TGM7: variants seen among roughly 807,000 people sequenced by gnomAD.
TGM7 encodes the protein transglutaminase 7, also known as protein-glutamine gamma-glutamyltransferase Z.
In TGM7, 74 loss-of-function variants were observed where a neutral mutation model predicts 79.5. That is an observed-to-expected ratio of 0.93 (90% CI 0.77 to 1.13). The LOEUF (loss-of-function observed/expected upper bound fraction) is 1.13. TGM7 is among the 50% of genes most tolerant of loss of function. The pLI is 0.00. For synonymous variants in TGM7, 354 were observed against 362.5 expected (o/e 0.98, Z 0.27); for missense variants, 912 against 905.9 (o/e 1.01, Z -0.09).
chr15:43,287,805 C>G, intron 4 of TGM7, 136 bp from the exon 5 acceptor site: 1 of 975,350 alleles, frequency 1.0e-6, no homozygotes, highest in Non-Finnish European at 1.5e-6. Flanking sequence ...AAATATAAGA[C>G]AAGTTCCTGC....
intron 1 of TGM7, among the ~76,000 whole-genome samples, chr15:43,296,658 T>C (rs923285059): frequency 6.6e-6 from 1 of 152,048 alleles, no homozygotes; most frequent in African/African-American, 2.4e-5. Flanking sequence ...TGGCTGCTGT[T>C]TGTAGCTCAA....
intron 11 of TGM7, 128 bp from the exon 12 acceptor site, chr15:43,277,123 G>A (rs1420599195): frequency 8.3e-7 from 1 of 1,205,294 alleles, no homozygotes; most frequent in Non-Finnish European, 1.2e-6. Flanking sequence ...GTGCCACAGT[G>A]GCGAGGGAGG....
Position 43,287,449 on chromosome 15 carries a change from G to T in TGM7, c.696C>A (p.Ser232Arg). ...CCTGCAGCACGCCATTGTCATCGTT[G>T]CTGTTGATCTGCAGAGGACAGACAG... is the stretch of plus-strand genomic sequence containing the variant. ...VCRVVSAMINSNDDNGVLQGN... is the reference protein window; with the variant it reads ...VCRVVSAMINRNDDNGVLQGN... The change falls in exon 6 of 13, where the codon AGC becomes AGA. Residue 232 changes from serine to arginine, a missense_variant. Coordinates refer to ENST00000452443, the MANE Select transcript of TGM7 (RefSeq NM_052955.3). 6.2e-7 allele frequency: 1 copy of T among 1,614,072 alleles called. No homozygotes were observed. Among genetic ancestry groups the T allele is most frequent in the Non-Finnish European group, 8.5e-7 (1 of 1,180,034 alleles).
chr15:43,298,279 C>T (rs115098529), intron 1 of TGM7, among the ~76,000 whole-genome samples: 4,517 of 152,150 alleles, frequency 0.03, 203 homozygotes, highest in East Asian at 0.12. Context: ...TGCAGAAGAG[C>T]ACTGGGGATG....
At chr15:43,293,196 T>C (rs2042972596) in intron 2 of TGM7, among the ~76,000 whole-genome samples, 1 of 152,212 alleles carries the variant, frequency 6.6e-6, no homozygotes, top group Non-Finnish European at 1.5e-5. Context: ...TGAGCTAATG[T>C]GTGTAAAGTT....
rs548654418 is a variant in TGM7 at position 43,276,464 on chromosome 15, C to T, written c.2124G>A (p.Gly708=). 46 of 1,612,690 alleles carry T rather than the reference C, an allele frequency of 2.9e-5. 1 individual carries two copies. Among genetic ancestry groups the T allele is most frequent in the Admixed American group, 1.0e-4 (6 of 59,872 alleles). The change falls in exon 13 of 13, where the codon GGG becomes GGA. Residue 708 remains glycine, a synonymous_variant. Coordinates refer to ENST00000452443, the MANE Select transcript of TGM7 (RefSeq NM_052955.3). ...GYKDIFVTVA[G]AP is the part of the protein sequence containing the mutation. ...AGCTGGAGGGCGGGTCTCAGGGAGC[C>T]CCAGCCACAGTGACGAAGATGTCCT...
chr15:43,289,759 A>G (rs979703844), intron 4 of TGM7, among the ~76,000 whole-genome samples: 3 of 152,146 alleles, frequency 2.0e-5, no homozygotes, highest in African/African-American at 7.2e-5. Context: ...CGCCATTCTA[A>G]CTGGTGTGAG....
intron 11 of TGM7, 88 bp from the exon 12 acceptor site, chr15:43,277,083 G>A (rs535384261): frequency 5.9e-5 from 91 of 1,535,064 alleles, no homozygotes; most frequent in Admixed American, 7.8e-5. Context: ...GGTCCCTGGC[G>A]ACCACCAGGA....
intron 4 of TGM7, among the ~76,000 whole-genome samples, chr15:43,290,705 T>C (rs1346402047): frequency 6.6e-6 from 1 of 152,208 alleles, no homozygotes; most frequent in East Asian, 1.9e-4. Context: ...GAGCATGGAA[T>C]GTTCTTCCAT....
rs550814720 is a variant in TGM7, at chr15:43,287,582, G to T, written c.646C>A (p.Arg216=). 2 of 1,614,142 alleles carry T rather than the reference G, an allele frequency of 1.2e-6. No individual in the cohort carries two copies. The stretch of plus-strand genomic sequence containing the variant: ...CTGCACACATACACCACGTCGTTCC[G>T]CTGGGAACAGTCTTTGGCCGGGTTC... ...LKNPAKDCSQ[R]NDVVYVCRVV... The change falls in exon 5 of 13, where the codon CGG becomes AGG. Residue 216 remains arginine (R), a synonymous_variant. Coordinates refer to ENST00000452443, the MANE Select transcript of TGM7 (RefSeq NM_052955.3).
At position 43,287,397 on chromosome 15, in the gene TGM7, C is replaced by A. The variant is rs760411229; in HGVS notation, c.748G>T (p.Gly250Trp). 8.1e-6 allele frequency: 13 copies of A among 1,614,006 alleles called. No individual in the cohort carries two copies. The highest frequency in any genetic ancestry group is 1.1e-5 in the Non-Finnish European group (13 of 1,180,012). The change falls in exon 6 of 13, where the codon GGG (glycine) becomes TGG (tryptophan). Residue 250 changes from glycine (G) to tryptophan (W), a missense_variant. Gly to Trp is a radical substitution (Grantham distance 184). Transcript: ENST00000452443. Reference sequence around the variant, plus strand: ...CCCTTCCACTCCAGAGGACTGACCCCTTTGGAGTAGTCCTCGCCCCAGTTC... The same window carrying A: ...CCCTTCCACTCCAGAGGACTGACCCATTTGGAGTAGTCCTCGCCCCAGTTC... The part of the protein sequence containing the change: ...QGNWGEDYSK[G>W]VSPLEWKGSV...
At chr15:43,291,023 A>T (rs930154653) in intron 4 of TGM7, among the ~76,000 whole-genome samples, 2 of 152,140 alleles carry the variant, frequency 1.3e-5, no homozygotes, top group African/African-American at 4.8e-5. Flanking sequence ...GGACACTTTG[A>T]CTTCCTCTTT....
intron 1 of TGM7, among the ~76,000 whole-genome samples, chr15:43,295,288 C>T (rs1003570040): frequency 3.9e-5 from 6 of 152,204 alleles, no homozygotes; most frequent in Admixed American, 2.6e-4. Context: ...TAACACTGAG[C>T]CATTAAGAAA....
chr15:43,297,383 G>A lies in TGM7; in HGVS notation c.11-3752C>T, dbSNP rs149284304. On this transcript the variant is annotated intron_variant, in intron 1 of 12. Coordinates refer to ENST00000452443, the MANE Select transcript of TGM7 (RefSeq NM_052955.3). ...CAGGAGAATTGCTTGAACCTGGGAG[G>A]CGGAGTTTGCAGTGAGCTGAGATCG... 8.3e-3 allele frequency among the ~76,000 whole-genome samples: 1,266 copies of A among 151,976 alleles called. 18 individuals are homozygous for A. The highest frequency in any genetic ancestry group is 0.029 in the African/African-American group (1,195 of 41,456).
At chr15:43,290,700 T>C (rs1353336866) in intron 4 of TGM7, among the ~76,000 whole-genome samples, 2 of 152,234 alleles carry the variant, frequency 1.3e-5, no homozygotes, top group Admixed American at 6.5e-5. Flanking sequence ...CCCATGAGCA[T>C]GGAATGTTCT....
Position 43,279,428 on chromosome 15 carries a change from T to C in TGM7, c.1679-151A>G, listed in dbSNP as rs1352136354. The C allele has an allele frequency of 5.3e-6, 6 of 1,142,198 alleles. No individual in the cohort carries two copies. The South Asian group carries it at 6.0e-5, about 11-fold the overall frequency. 70.8% of individuals were successfully genotyped at this position (1,142,198 alleles called of 1,614,324 possible). On this transcript the variant is annotated intron_variant, in intron 10 of 12. Coordinates refer to ENST00000452443, the MANE Select transcript of TGM7 (RefSeq NM_052955.3). Reference sequence around the variant, plus strand: ...AGACAGCGTCCCACCACGCACACACTGTCCCCAGGGCTCACTGCTCCGTCT... The same window carrying C: ...AGACAGCGTCCCACCACGCACACACCGTCCCCAGGGCTCACTGCTCCGTCT...
intron 1 of TGM7, among the ~76,000 whole-genome samples, chr15:43,301,742 A>G (rs1394042103): frequency 6.6e-6 from 1 of 151,758 alleles, no homozygotes; most frequent in African/African-American, 2.4e-5. Context: ...TGTTCTTCTC[A>G]CTCCCAGGAG....
intron 4 of TGM7, among the ~76,000 whole-genome samples, chr15:43,288,176 G>A (rs931156090): frequency 6.6e-6 from 1 of 152,352 alleles, no homozygotes; most frequent in African/African-American, 2.4e-5. Flanking sequence ...AGACGCTGCG[G>A]GCCCTGGAGG....
intron 11 of TGM7, among the ~76,000 whole-genome samples, chr15:43,277,975 C>T (rs2042886322): frequency 6.6e-6 from 1 of 152,252 alleles, no homozygotes; most frequent in African/African-American, 2.4e-5. Flanking sequence ...GCCATGTTTG[C>T]TTCAGGTACA....
Sources: allele counts gnomAD v4.1 joint callset (sites outside exome capture counted in the v4.1 genomes callset), GRCh38; gene constraint gnomAD v4.1.1; transcripts MANE v1.5; gene names NCBI Gene and HGNC (gene_info 2026-07-23, HGNC 2026-07-21).